FAM186B: variants seen among roughly 807,000 people sequenced by gnomAD.
FAM186B encodes the protein protein FAM186B.
Under a neutral mutation model 83.4 loss-of-function variants are expected in FAM186B, and 68 were observed. That is an observed-to-expected ratio of 0.81 (90% CI 0.67 to 1.00). The LOEUF is 1.00. FAM186B is among the 50% of genes least tolerant of loss of function. FAM186B has a pLI of 0.00. For synonymous variants in FAM186B, 389 were observed against 422.0 expected (o/e 0.92, Z 0.96); for missense variants, 983 against 1,099.2 (o/e 0.89, Z 1.49).
the FAM186B span, among the ~76,000 whole-genome samples, chr12:49,616,099 G>A: frequency 6.6e-6 from 1 of 151,304 alleles, no homozygotes; most frequent in Non-Finnish European, 1.5e-5. Flanking sequence ...GTGCAATCTC[G>A]GCTCACTGCA....
chr12:49,605,313 C>T (rs1264250892), intron 1 of FAM186B, 69 bp downstream of exon 1: 2 of 1,562,370 alleles, frequency 1.3e-6, no homozygotes, highest in South Asian at 2.4e-5. Flanking sequence ...CTCACTCAAA[C>T]CTGGGATCAG....
chr12:49,600,321 T>C lies in FAM186B; in HGVS notation c.1319A>G (p.Lys440Arg). Reference sequence around the variant, plus strand: ...GAAGTAGTCCTCCTGGTCTTTGTCTTTGTGGCCTAAGCTTTCTGCCACCGG... The same window carrying C: ...GAAGTAGTCCTCCTGGTCTTTGTCTCTGTGGCCTAAGCTTTCTGCCACCGG... ...ERPVAESLGHKDKDQEDYFQK... is the reference protein window; with the variant it reads ...ERPVAESLGHRDKDQEDYFQK... Residue 440 changes from lysine (K) to arginine (R), a missense_variant, in exon 4 of 7, where the codon AAA becomes AGA. Physicochemically the swap from Lys to Arg is conservative, Grantham distance 26 (BLOSUM62 2). Transcript: ENST00000257894. This position sits in a 1 kb window ranked among gnomAD's most constrained non-coding sequence, Gnocchi z 4.3. The C allele has an allele frequency of 1.2e-6, 2 of 1,614,186 alleles. No individual in the cohort carries two copies. The highest frequency in any genetic ancestry group is 1.7e-6 in the Non-Finnish European group (2 of 1,180,022).
Position 49,599,627 on chromosome 12 carries a change from C to T in FAM186B, c.2013G>A (p.Lys671=), listed in dbSNP as rs1261804481. The change falls in exon 4 of 7, where the codon AAG becomes AAA. Residue 671 remains lysine (K), a synonymous_variant. Transcript: ENST00000257894. ...VYHMDMEAQR[K]NLQLLSEESE... is the part of the protein sequence containing the mutation. ...ACTCCTCACTCAGGAGCTGCAGGTT[C>T]TTCCTCTGGGCCTCCATGTCCATGT... The T allele has an allele frequency of 1.2e-6, 2 of 1,609,512 alleles. No homozygotes were observed. The highest frequency in any genetic ancestry group is 1.3e-5 in the African/African-American group (1 of 74,756).
Position 49,588,553 on chromosome 12 carries a change from A to T in FAM186B, c.2435T>A (p.Leu812Ter). 1 of 1,612,498 alleles carries T rather than the reference A, an allele frequency of 6.2e-7. No homozygotes were observed. Among genetic ancestry groups the T allele is most frequent in the Non-Finnish European group, 8.5e-7 (1 of 1,179,118 alleles). ...GATGTGCCGGGGTGAGGCTGCAGGC[A>T]ACTTGCATTTCTTTGGCTTTGGCGA... ...VTSPKPKKCKLPAASPRHIRP... is the reference protein window; with the variant it reads ...VTSPKPKKCK Residue 812 changes from leucine to a stop codon, truncating the protein, a stop_gained, in exon 6 of 7, where the codon TTG becomes TAG. Transcript: ENST00000257894. LOFTEE classifies it high-confidence loss of function.
At chr12:49,607,343 A>G (rs2138319058), upstream of FAM186B, among the ~76,000 whole-genome samples, 1 of 152,292 alleles carries the variant, frequency 6.6e-6, no homozygotes, top group Middle Eastern at 3.4e-3. Context: ...CAATATGAAG[A>G]ATAAGAGACT....
At chr12:49,601,173 T>G in intron 3 of FAM186B, 39 bp from the exon 4 acceptor site, 7 of 1,519,626 alleles carry the variant, frequency 4.6e-6, no homozygotes, top group Non-Finnish European at 6.2e-6. Context: ...CGATTTCTCA[T>G]GGGTCCCAAG....
chr12:49,603,176 A>G lies in FAM186B; in HGVS notation c.505+9T>C. Reference sequence around the variant, plus strand: ...CCTAGCTCCCTGGCCAGGTGCTCCTAGAACCTACCTTGTGACCTTTTCTTT... The same window carrying G: ...CCTAGCTCCCTGGCCAGGTGCTCCTGGAACCTACCTTGTGACCTTTTCTTT... On this transcript the variant is annotated intron_variant, in intron 3 of 6. Coordinates refer to ENST00000257894, the MANE Select transcript of FAM186B (RefSeq NM_032130.3). The G allele has an allele frequency of 5.6e-6, 9 of 1,614,164 alleles. No homozygotes were observed. Among genetic ancestry groups the G allele is most frequent in the Non-Finnish European group, 7.6e-6 (9 of 1,180,022 alleles).
At chr12:49,584,715 A>G (rs921226757), downstream of FAM186B, 3 of 681,844 alleles carry the variant, frequency 4.4e-6, no homozygotes, top group East Asian at 5.4e-5. Flanking sequence ...AGCCAAGTCC[A>G]GAGCTGAGCC....
At chr12:49,622,684 G>C in the FAM186B span, 4 of 152,258 alleles carry the variant, frequency 2.6e-5, no homozygotes, top group Admixed American at 2.0e-4. Context: ...CCTCTCCGGA[G>C]TTCTTTGGCT....
intron 2 of FAM186B, 69 bp from the exon 3 acceptor site, chr12:49,603,436 G>C: frequency 6.7e-7 from 1 of 1,500,074 alleles, no homozygotes; most frequent in Admixed American, 1.8e-5. Flanking sequence ...CAGCCCTATA[G>C]CACAGGGGTT....
In FAM186B at chr12:49,598,692, A is replaced by G. The variant is rs1267592616; in HGVS notation, c.2364+63T>C. The G allele has an allele frequency of 1.8e-5, 26 of 1,478,178 alleles. No individual in the cohort carries two copies. In the Middle Eastern group the frequency reaches 9.9e-4, roughly 56 times the overall value. The allele number at this position is 1,478,178 out of a possible 1,614,324, so 91.6% of individuals were successfully genotyped here. On this transcript the variant is annotated intron_variant, in intron 5 of 6. Coordinates refer to ENST00000257894, the MANE Select transcript of FAM186B (RefSeq NM_032130.3). ...CCCCACGGGTTCATTTCAGGCCCCAAGCCGACTGGCTGTGCTGACCCCAGG... is the reference window on the plus strand; with the variant it reads ...CCCCACGGGTTCATTTCAGGCCCCAGGCCGACTGGCTGTGCTGACCCCAGG...
chr12:49,588,150 C>T (rs1010747823), intron 6 of FAM186B, among the ~76,000 whole-genome samples: 2 of 152,188 alleles, frequency 1.3e-5, no homozygotes, highest in Non-Finnish European at 2.9e-5. Flanking sequence ...GATGCCAAAT[C>T]GATGCTCAGG....
chr12:49,616,398 A>G, the FAM186B span, among the ~76,000 whole-genome samples: 1 of 152,238 alleles, frequency 6.6e-6, no homozygotes, highest in Non-Finnish European at 1.5e-5. Flanking sequence ...TTAAATATTT[A>G]TTATAAAACA....
At chr12:49,589,718 C>T (rs561552027) in intron 5 of FAM186B, among the ~76,000 whole-genome samples, 54 of 151,968 alleles carry the variant, frequency 3.6e-4, no homozygotes, top group African/African-American at 1.0e-3. Flanking sequence ...CGCGGTGGCT[C>T]ATGCCTGTAA....
upstream of FAM186B, among the ~76,000 whole-genome samples, chr12:49,607,067 T>C (rs994686226): frequency 1.3e-5 from 2 of 152,100 alleles, no homozygotes; most frequent in Non-Finnish European, 2.9e-5. Flanking sequence ...ATGAAATACT[T>C]TGAACCGAGC....
Position 49,604,394 on chromosome 12 carries a change from C to A in FAM186B, c.241G>T (p.Glu81Ter). The A allele has an allele frequency of 6.2e-7, 1 of 1,614,240 alleles. No individual in the cohort carries two copies. Among genetic ancestry groups the A allele is most frequent in the Non-Finnish European group, 8.5e-7 (1 of 1,180,046 alleles). The change falls in exon 2 of 7, where the codon GAA becomes TAA. Residue 81 changes from glutamate (E) to a stop codon, truncating the protein, a stop_gained. Coordinates refer to ENST00000257894, the MANE Select transcript of FAM186B (RefSeq NM_032130.3). LOFTEE classifies it high-confidence loss of function. ...TCTTTGGAGAAGGAGGCAATTTTTT[C>A]CAGCAAGATGAATCTCTTCTTGCCC... ...PKGKKRFILLEKIASFSKDAM... is the reference protein window; with the variant it reads ...PKGKKRFILL
At chr12:49,598,340 G>A (rs1399521048) in intron 5 of FAM186B, among the ~76,000 whole-genome samples, 1 of 152,162 alleles carries the variant, frequency 6.6e-6, no homozygotes, top group Non-Finnish European at 1.5e-5. Context: ...CTGTGAGACA[G>A]TGAAGATGAC....
downstream of FAM186B, chr12:49,584,614 G>A (rs1043323132): frequency 5.7e-6 from 4 of 702,234 alleles, no homozygotes; most frequent in East Asian, 5.4e-5. Flanking sequence ...TCGCTGAGGC[G>A]CTGCAAGAGT....
intron 4 of FAM186B, among the ~76,000 whole-genome samples, 164 bp from the exon 5 acceptor site, chr12:49,599,111 A>G (rs1230864968): frequency 6.6e-6 from 1 of 152,042 alleles, no homozygotes; most frequent in Non-Finnish European, 1.5e-5. Context: ...GGGAGGTGGT[A>G]TGAAGTGAGG....
Sources: gnomAD v4.1 joint callset for allele counts (sites outside exome capture counted in the v4.1 genomes callset) on GRCh38, gnomAD v4.1.1 for gene constraint, Gnocchi (gnomAD v3.1) non-coding constraint, MANE v1.5 for transcripts, NCBI Gene and HGNC (gene_info 2026-07-23, HGNC 2026-07-21) for gene names.